Variants in NCAPH observed in about 807,000 individuals in gnomAD.
NCAPH encodes the protein non-SMC condensin I complex subunit H.
In NCAPH, 38 loss-of-function variants were observed where a neutral mutation model predicts 85.5. The observed-to-expected ratio is 0.44, with a 90% confidence interval of 0.34 to 0.58. The LOEUF (loss-of-function observed/expected upper bound fraction) is 0.58. Among genes scored for constraint, NCAPH ranks in the 20% least tolerant of loss-of-function variants. The pLI is 0.01. For missense variants in NCAPH, 789 were observed against 916.6 expected (o/e 0.86, Z 1.80); for synonymous variants, 301 against 335.1 (o/e 0.90, Z 1.11).
chr2:96,354,384 T>C lies in NCAPH; in HGVS notation c.1204T>C (p.Cys402Arg), dbSNP rs758747963. The C allele has an allele frequency of 6.3e-7, 1 of 1,582,806 alleles. No homozygotes were observed. The change falls in exon 9 of 18, where the codon TGC (cysteine) becomes CGC (arginine). Residue 402 changes from cysteine to arginine, a missense_variant. By Grantham distance (180) the Cys-to-Arg change is radical. Coordinates refer to ENST00000240423, the MANE Select transcript of NCAPH (RefSeq NM_015341.5). ...SWKEPCQVQS[C>R]QEEMISLGDG... ...GAAGGAGCCCTGCCAGGTTCAGAGC[T>C]GCCAGTAAGGCTCTCAGAGTCCGAA...
At chr2:96,366,103 A>G in intron 14 of NCAPH, 45 bp downstream of exon 14, 2 of 1,592,622 alleles carry the variant, frequency 1.3e-6, no homozygotes, top group Non-Finnish European at 1.7e-6. Flanking sequence ...CCTGAAATCT[A>G]TTTAATTGTC....
intron 6 of NCAPH, among the ~76,000 whole-genome samples, chr2:96,344,930 G>A (rs943465682): frequency 6.6e-5 from 10 of 152,140 alleles, no homozygotes; most frequent in African/African-American, 2.4e-4. Flanking sequence ...TCTGAGACAT[G>A]GATTTTAAGT....
At chr2:96,356,987 G>C (rs949435094) in intron 9 of NCAPH, among the ~76,000 whole-genome samples, 2 of 152,214 alleles carry the variant, frequency 1.3e-5, no homozygotes, top group Admixed American at 1.3e-4. Flanking sequence ...CTCCCTCTCT[G>C]TGCAGCAGCA....
chr2:96,345,543 C>G (rs1005887458), intron 6 of NCAPH, among the ~76,000 whole-genome samples: 1 of 152,290 alleles, frequency 6.6e-6, no homozygotes, highest in South Asian at 2.1e-4. Context: ...CCTTCTCTCC[C>G]TTGGAGCCTG....
At chr2:96,364,435 A>G (rs1229220446) in intron 12 of NCAPH, 46 bp from the exon 13 acceptor site, 2 of 1,265,600 alleles carry the variant, frequency 1.6e-6, no homozygotes, top group African/African-American at 3.0e-5. Flanking sequence ...AACCTAGTTC[A>G]GTAGCTTTTA....
chr2:96,355,628 TG>T (rs1354500289), intron 9 of NCAPH, among the ~76,000 whole-genome samples: 2 of 151,868 alleles, frequency 1.3e-5, no homozygotes, highest in Non-Finnish European at 1.5e-5. Context: ...GTGTCTTTTT[TG>T]TTTTTATGTT....
chr2:96,337,753 C>G (rs2064234247), intron 1 of NCAPH, among the ~76,000 whole-genome samples: 1 of 152,112 alleles, frequency 6.6e-6, no homozygotes, highest in African/African-American at 2.4e-5. Context: ...GCTGTGTTGC[C>G]CAGGCTGGAG....
chr2:96,344,199 C>T lies in NCAPH; in HGVS notation c.690C>T (p.Leu230=), dbSNP rs905429701. The T allele has an allele frequency of 1.2e-6, 2 of 1,612,754 alleles. No homozygotes were observed. The highest frequency in any genetic ancestry group is 2.7e-5 in the African/African-American group (2 of 74,856). ...HRTIEQNINN[L]NVSEADRKCE... is the part of the protein sequence containing the mutation. ...CTATTGAGCAGAACATAAACAACCT[C>T]AATGTCTCCGAAGCAGATCGGAAGT... Residue 230 remains leucine, a synonymous_variant, in exon 6 of 18, where the codon CTC becomes CTT. Coordinates refer to ENST00000240423, the MANE Select transcript of NCAPH (RefSeq NM_015341.5).
chr2:96,373,447 C>A lies in NCAPH; in HGVS notation c.*96C>A. The A allele has an allele frequency of 8.2e-7, 1 of 1,220,790 alleles. No homozygotes were observed. Among genetic ancestry groups the A allele is most frequent in the Non-Finnish European group, 1.2e-6 (1 of 835,776 alleles). 75.6% of individuals were successfully genotyped at this position (1,220,790 alleles called of 1,614,324 possible). On this transcript the variant is annotated 3_prime_UTR_variant, in exon 18 of 18. Coordinates refer to ENST00000240423, the MANE Select transcript of NCAPH (RefSeq NM_015341.5). ...GGGAAGAAGATGCCATGGGCTTATA[C>A]CCAGGCTGTAGCCAACTACCAACGT...
At chr2:96,337,677 C>G (rs1432963903) in intron 1 of NCAPH, among the ~76,000 whole-genome samples, 1 of 152,180 alleles carries the variant, frequency 6.6e-6, no homozygotes, top group African/African-American at 2.4e-5. Flanking sequence ...CTCAGCCTCC[C>G]AAAGTGCTGG....
intron 9 of NCAPH, among the ~76,000 whole-genome samples, chr2:96,357,596 C>T (rs2064540986): frequency 6.6e-6 from 1 of 152,192 alleles, no homozygotes; most frequent in African/African-American, 2.4e-5. Flanking sequence ...GAGTTCACAG[C>T]ACAGTGCATT....
chr2:96,337,931 CT>C (rs376261513), intron 1 of NCAPH, among the ~76,000 whole-genome samples: 19 of 146,126 alleles, frequency 1.3e-4, no homozygotes, highest in East Asian at 6.0e-4. Flanking sequence ...TCCAACAACC[CT>C]TTTTTTTTTT....
Position 96,342,844 on chromosome 2 carries a change from TTAAAG to T in NCAPH, c.456_456+4del. 6.2e-7 allele frequency: 1 copy of T among 1,608,880 alleles called. No individual in the cohort carries two copies. On this transcript the variant is annotated splice_donor_variant and coding_sequence_variant, in exon 4 of 18. Transcript: ENST00000240423. LOFTEE classifies it high-confidence loss of function. Reference sequence around the variant, plus strand: ...CAGAAAGACACCGAACCAACCAACTTTAAAGTAAGAAGGATGTCCACTTTCTCTTG... The same window carrying T: ...CAGAAAGACACCGAACCAACCAACTTTAAGAAGGATGTCCACTTTCTCTTG...
In NCAPH at chr2:96,368,949, A is replaced by G. The variant is rs1332254679; in HGVS notation, c.1999-23A>G. On this transcript the variant is annotated intron_variant, in intron 15 of 17. Transcript: ENST00000240423. ...AAAGTGCACTAGCCCTAACTGTCCG[A>G]TGTATAAATGTGCTTCTGTTAGGCA... 15 of 1,548,442 alleles carry G rather than the reference A, an allele frequency of 9.7e-6. No homozygotes were observed. In the Admixed American group the frequency reaches 3.0e-4, roughly 30 times the overall value.
intron 15 of NCAPH, among the ~76,000 whole-genome samples, chr2:96,368,108 T>C (rs2064724423): frequency 6.6e-6 from 1 of 152,228 alleles, no homozygotes; most frequent in African/African-American, 2.4e-5. Context: ...AGAATCCTTC[T>C]CTCTTTCTGA....
At chr2:96,349,753 T>C (rs1229200179) in intron 6 of NCAPH, among the ~76,000 whole-genome samples, 2 of 152,238 alleles carry the variant, frequency 1.3e-5, no homozygotes, top group Admixed American at 1.3e-4. Flanking sequence ...AGCCGATCTC[T>C]TTTGGACACA....
rs1037629173 is a variant in NCAPH at position 96,369,610 on chromosome 2, G to A, written c.2166+110G>A. ...GCTAACATAGGATTTCTTAAATACA[G>A]TGACTTATGTAGCACCTTCAACCCA... On this transcript the variant is annotated intron_variant, in intron 17 of 17. Transcript: ENST00000240423. 26 of 1,138,432 alleles carry A rather than the reference G, an allele frequency of 2.3e-5. No individual in the cohort carries two copies. In the African/African-American group the frequency reaches 3.5e-4, roughly 15 times the overall value. 70.5% of individuals were successfully genotyped at this position (1,138,432 alleles called of 1,614,324 possible).
chr2:96,351,710 G>T, intron 6 of NCAPH, 121 bp from the exon 7 acceptor site: 6 of 628,630 alleles, frequency 9.5e-6, no homozygotes, highest in Non-Finnish European at 1.5e-5. Flanking sequence ...TTTTGACCAT[G>T]AGTGGAGATA....
chr2:96,367,760 A>G (rs559638225), intron 15 of NCAPH, among the ~76,000 whole-genome samples: 24 of 152,368 alleles, frequency 1.6e-4, no homozygotes, highest in African/African-American at 4.6e-4. Flanking sequence ...ATAGCAAACT[A>G]GTGTGTAAGA....
Sources: allele counts gnomAD v4.1 joint callset (sites outside exome capture counted in the v4.1 genomes callset), GRCh38; gene constraint gnomAD v4.1.1; transcripts MANE v1.5; gene names NCBI Gene and HGNC (gene_info 2026-07-23, HGNC 2026-07-21).